The following HERC4 variants were observed in gnomAD, a reference collection of about 807,000 sequenced individuals.
The protein encoded by HERC4 is HECT and RLD domain containing E3 ubiquitin protein ligase 4.
In HERC4, 28 loss-of-function variants were observed where a neutral mutation model predicts 124.3. The ratio of observed to expected loss-of-function variants is 0.23; its 90% CI spans 0.17 to 0.31. HERC4 has a LOEUF of 0.31. HERC4 is among the 10% of genes least tolerant of loss of function. The pLI is 1.00. For missense variants in HERC4, 713 were observed against 1,229.3 expected (o/e 0.58, Z 6.28); for synonymous variants, 407 against 421.5 (o/e 0.97, Z 0.42).
At chr10:68,072,805 A>C in intron 3 of HERC4, 78 bp downstream of exon 3, 9 of 999,014 alleles carry the variant, frequency 9.0e-6, no homozygotes, top group East Asian at 2.7e-5. Flanking sequence ...AGTTACAACT[A>C]GAGAAATTAT....
intron 3 of HERC4, among the ~76,000 whole-genome samples, chr10:68,064,547 T>TG (rs2041201256): frequency 9.7e-6 from 1 of 102,686 alleles, no homozygotes; most frequent in South Asian, 2.8e-4. Context: ...GGCAACAGAG[T>TG]GAGATTCTCT....
chr10:67,971,550 C>A (rs187114575), intron 15 of HERC4, among the ~76,000 whole-genome samples: 29 of 152,184 alleles, frequency 1.9e-4, no homozygotes, highest in African/African-American at 7.2e-5. Flanking sequence ...TTCATCTCAA[C>A]AGATGGAAAC....
intron 9 of HERC4, among the ~76,000 whole-genome samples, chr10:67,999,119 A>G (rs1234105419): frequency 2.6e-5 from 4 of 152,194 alleles, no homozygotes; most frequent in African/African-American, 9.6e-5. Context: ...ATTCTTGTGT[A>G]TACCTGGTAT....
intron 9 of HERC4, among the ~76,000 whole-genome samples, chr10:67,996,636 G>A (rs971671451): frequency 2.0e-5 from 3 of 152,042 alleles, no homozygotes; most frequent in Non-Finnish European, 2.9e-5. Context: ...TTGAAGATGA[G>A]CAATATTGAG....
intron 3 of HERC4, among the ~76,000 whole-genome samples, chr10:68,066,172 G>C (rs541069034): frequency 1.3e-5 from 2 of 152,250 alleles, no homozygotes; most frequent in Non-Finnish European, 2.9e-5. Flanking sequence ...ATACTTTATA[G>C]CCTAGGAATA....
intron 5 of HERC4, among the ~76,000 whole-genome samples, chr10:68,035,132 T>C (rs2039393032): frequency 2.0e-5 from 3 of 151,842 alleles, no homozygotes; most frequent in African/African-American, 7.3e-5. Context: ...AGAATCCTGG[T>C]TCCTCTTTCA....
intron 19 of HERC4, among the ~76,000 whole-genome samples, chr10:67,944,749 AAC>A (rs908110390): frequency 6.6e-6 from 1 of 152,238 alleles, no homozygotes. Context: ...AGATAAATTT[AAC>A]AGAGTAAAAT....
chr10:67,998,235 AAAT>A (rs2037009900), intron 9 of HERC4, among the ~76,000 whole-genome samples: 1 of 151,690 alleles, frequency 6.6e-6, no homozygotes, highest in African/African-American at 2.4e-5. Flanking sequence ...AGTTCTCAAT[AAAT>A]AATAATAATA....
intron 8 of HERC4, among the ~76,000 whole-genome samples, chr10:68,016,731 G>C (rs2038293879): frequency 6.6e-6 from 1 of 152,084 alleles, no homozygotes; most frequent in African/African-American, 2.4e-5. Flanking sequence ...TTCCTGTTTA[G>C]GTTAAGTCCT....
At chr10:67,939,934 T>G (rs980168775) in intron 20 of HERC4, among the ~76,000 whole-genome samples, 4 of 152,182 alleles carry the variant, frequency 2.6e-5, no homozygotes, top group African/African-American at 9.7e-5. Context: ...TTATTTTATT[T>G]TATTTTTCCC....
At chr10:67,936,724 C>G (rs1181959548) in intron 21 of HERC4, among the ~76,000 whole-genome samples, 1 of 152,138 alleles carries the variant, frequency 6.6e-6, no homozygotes, top group Admixed American at 6.5e-5. Flanking sequence ...TATTTTGAAA[C>G]CTTTTATTTC....
At chr10:67,931,714 C>G (rs1012560157) in intron 23 of HERC4, among the ~76,000 whole-genome samples, 5 of 152,080 alleles carry the variant, frequency 3.3e-5, no homozygotes, top group African/African-American at 1.2e-4. Flanking sequence ...CATGAGCCAT[C>G]GCGCCTGGCT....
intron 23 of HERC4, among the ~76,000 whole-genome samples, chr10:67,928,458 C>T (rs550711425): frequency 2.6e-5 from 4 of 152,270 alleles, no homozygotes; most frequent in African/African-American, 9.6e-5. Flanking sequence ...AATTGTAAAG[C>T]CTCTCTCCCA....
intron 9 of HERC4, chr10:68,010,177 T>C: frequency 9.7e-7 from 1 of 1,032,706 alleles, no homozygotes; most frequent in Admixed American, 2.1e-5. Flanking sequence ...CCTCTCCCTG[T>C]ATCCCATTCC....
Position 67,956,950 on chromosome 10 carries a change from A to C in HERC4, c.1953T>G (p.Cys651Trp). 6.3e-7 allele frequency: 1 copy of C among 1,590,280 alleles called. No individual in the cohort carries two copies. Among genetic ancestry groups the C allele is most frequent in the Non-Finnish European group, 8.6e-7 (1 of 1,169,338 alleles). Reference protein sequence around the residue: ...GMLADIPVTICTYPFVFDAQA... With the variant: ...GMLADIPVTIWTYPFVFDAQA... ...GGGCATCAAATACAAATGGATATGT[A>C]CAGATTGTAACAGGGATATCTGCCA... is the stretch of plus-strand genomic sequence containing the variant. Residue 651 changes from cysteine (C) to tryptophan (W), a missense_variant, in exon 17 of 25, where the codon TGT (cysteine) becomes TGG (tryptophan). Transcript: ENST00000373700.
intron 3 of HERC4, among the ~76,000 whole-genome samples, chr10:68,061,879 T>TAAAA (rs71470503): frequency 0.044 from 2,385 of 54,740 alleles, 132 homozygotes; most frequent in East Asian, 0.2. Flanking sequence ...AGACTCCATT[T>TAAAA]AAAAAAAAAA....
At chr10:68,021,955 A>G (rs1280743945) in intron 8 of HERC4, among the ~76,000 whole-genome samples, 2 of 152,062 alleles carry the variant, frequency 1.3e-5, no homozygotes, top group Non-Finnish European at 2.9e-5. Context: ...AAGCAGGAGG[A>G]TACAAAATCT....
At chr10:68,047,535 G>A (rs1462198753) in intron 3 of HERC4, among the ~76,000 whole-genome samples, 4 of 152,028 alleles carry the variant, frequency 2.6e-5, no homozygotes, top group African/African-American at 9.7e-5. Context: ...ATAAGAAAAC[G>A]AACAATCCTA....
chr10:68,069,524 C>T (rs1186862706), intron 3 of HERC4: 3 of 985,308 alleles, frequency 3.0e-6, no homozygotes, highest in Non-Finnish European at 3.6e-6. Context: ...AACAGAAACA[C>T]CTCTTTTCAA....
Sources: gnomAD v4.1 joint callset for allele counts (sites outside exome capture counted in the v4.1 genomes callset) on GRCh38, gnomAD v4.1.1 for gene constraint, MANE v1.5 for transcripts, NCBI Gene and HGNC (gene_info 2026-07-23, HGNC 2026-07-21) for gene names.